The following B3GAT2 variants were observed in gnomAD, a reference collection of about 807,000 sequenced individuals.
B3GAT2 encodes galactosylgalactosylxylosylprotein 3-beta-glucuronosyltransferase 2.
In B3GAT2, 26 loss-of-function variants were observed where a neutral mutation model predicts 27.8. The ratio of observed to expected loss-of-function variants is 0.93; its 90% confidence interval spans 0.68 to 1.30. The LOEUF (loss-of-function observed/expected upper bound fraction) is 1.30, where lower values mean the gene tolerates loss of function less well. Among genes scored for constraint, B3GAT2 ranks in the 50% most tolerant of loss-of-function variants. The probability of loss-of-function intolerance (pLI) is 0.00; values close to 1 mark genes in which losing one functional copy is unlikely to be tolerated. For synonymous variants in B3GAT2, 218 were observed against 195.1 expected (o/e 1.12, Z -0.98); for missense variants, 458 against 459.0 (o/e 1.00, Z 0.02).
At chr6:70,907,252 T>G (rs1173974920) in intron 1 of B3GAT2, among the ~76,000 whole-genome samples, 2 of 152,160 alleles carry the variant, frequency 1.3e-5, no homozygotes, top group Non-Finnish European at 2.9e-5. Flanking sequence ...AGAGGAAGTG[T>G]GCTGGGCTGC....
intron 2 of B3GAT2, among the ~76,000 whole-genome samples, chr6:70,880,206 T>C (rs1020079983): frequency 6.6e-6 from 1 of 152,004 alleles, no homozygotes; most frequent in Non-Finnish European, 1.5e-5. Flanking sequence ...TTCTAAGAAC[T>C]AAGAGTAGTG....
intron 1 of B3GAT2, among the ~76,000 whole-genome samples, chr6:70,948,354 C>T (rs948440743): frequency 4.5e-4 from 67 of 147,854 alleles, no homozygotes; most frequent in African/African-American, 1.6e-3. Context: ...CCAAAAATCT[C>T]CTTAAGCTGA....
Position 70,860,413 on chromosome 6 carries a change from T to C in B3GAT2, c.*1250A>G. The C allele has an allele frequency of 6.7e-7, 1 of 1,502,202 alleles. No homozygotes were observed. The highest frequency in any genetic ancestry group is 1.4e-5 in the South Asian group (1 of 73,738). 93.1% of individuals were successfully genotyped at this position (1,502,202 alleles called of 1,614,324 possible). A position where few individuals can be genotyped will look rare whatever the true frequency, so the allele number is the denominator to read the frequency against. On this transcript the variant is annotated 3_prime_UTR_variant, in exon 4 of 4. Coordinates refer to ENST00000230053, the MANE Select transcript of B3GAT2 (RefSeq NM_080742.3). ...CGCATCTAGTTCCCCTGTTTATTCA[T>C]ATGCATATTTTTTTTCTTTTTACCC...
chr6:70,944,576 A>G (rs1039818304), intron 1 of B3GAT2, among the ~76,000 whole-genome samples: 2 of 152,182 alleles, frequency 1.3e-5, no homozygotes, highest in African/African-American at 2.4e-5. Context: ...GGAAGCTCCA[A>G]CTGGGTGGAG....
intron 2 of B3GAT2, among the ~76,000 whole-genome samples, chr6:70,875,297 CTT>C (rs1771998376): frequency 6.6e-6 from 1 of 152,120 alleles, no homozygotes; most frequent in African/African-American, 2.4e-5. Flanking sequence ...TGGCCCTGTA[CTT>C]TCCAGCCCTG....
intron 2 of B3GAT2, among the ~76,000 whole-genome samples, chr6:70,880,919 T>C (rs531652040): frequency 1.1e-4 from 17 of 152,280 alleles, no homozygotes; most frequent in Admixed American, 3.3e-4. Flanking sequence ...TTCTCCTGCC[T>C]TCGCCTTCCA....
Position 70,857,108 on chromosome 6 carries a change from A to G in B3GAT2, c.*4555T>C, listed in dbSNP as rs1582319763. 7.3e-7 allele frequency: 1 copy of G among 1,369,028 alleles called. No individual in the cohort carries two copies. Among genetic ancestry groups the G allele is most frequent in the Admixed American group, 2.3e-5 (1 of 42,788 alleles). 84.8% of individuals were successfully genotyped at this position (1,369,028 alleles called of 1,614,324 possible). A position where few individuals can be genotyped will look rare whatever the true frequency, so the allele number is the denominator to read the frequency against. On this transcript the variant is annotated 3_prime_UTR_variant, in exon 4 of 4. Transcript: ENST00000230053. ...GTAATTATATAATAAGATCAATTAT[A>G]TATCTTTTATTGTTCCATGTAGTGA...
chr6:70,917,676 G>C (rs1174667989), intron 1 of B3GAT2, among the ~76,000 whole-genome samples: 1 of 152,198 alleles, frequency 6.6e-6, no homozygotes, highest in Non-Finnish European at 1.5e-5. Context: ...TTCAGGAGCA[G>C]GTTGTTCAGT....
Position 70,857,142 on chromosome 6 carries a change from G to T in B3GAT2, c.*4521C>A. On this transcript the variant is annotated 3_prime_UTR_variant, in exon 4 of 4. Transcript: ENST00000230053. ...ATTGTTCCATGTAGTGAGTGCTTTT[G>T]TTGTTGCAGTTTATACAACTATGAA... The T allele has an allele frequency of 9.2e-7, 1 of 1,086,940 alleles. No homozygotes were observed. Among genetic ancestry groups the T allele is most frequent in the South Asian group, 2.7e-5 (1 of 36,472 alleles). The allele number at this position is 1,086,940 out of a possible 1,614,324, so 67.3% of individuals were successfully genotyped here.
chr6:70,924,223 A>G (rs1772917617), intron 1 of B3GAT2, among the ~76,000 whole-genome samples: 1 of 152,226 alleles, frequency 6.6e-6, no homozygotes, highest in African/African-American at 2.4e-5. Flanking sequence ...AAAACCATAT[A>G]CACTAAAAAC....
intron 2 of B3GAT2, among the ~76,000 whole-genome samples, chr6:70,875,626 G>C (rs576295223): frequency 2.6e-5 from 4 of 152,202 alleles, no homozygotes; most frequent in Non-Finnish European, 5.9e-5. Context: ...TTATAATTTA[G>C]AATTATTTTC....
chr6:70,934,155 A>G (rs538728118), intron 1 of B3GAT2, among the ~76,000 whole-genome samples: 2 of 152,274 alleles, frequency 1.3e-5, no homozygotes, highest in African/African-American at 2.4e-5. Context: ...TACTCTTTCA[A>G]CCAAAAGAGC....
chr6:70,910,765 T>C (rs939399465), intron 1 of B3GAT2, among the ~76,000 whole-genome samples: 1 of 152,232 alleles, frequency 6.6e-6, no homozygotes, highest in African/African-American at 2.4e-5. Flanking sequence ...TTTTCCACAA[T>C]GGCTGAACTA....
intron 1 of B3GAT2, among the ~76,000 whole-genome samples, chr6:70,900,328 C>T (rs973444387): frequency 6.6e-6 from 1 of 152,148 alleles, no homozygotes; most frequent in Non-Finnish European, 1.5e-5. Flanking sequence ...TTGTTCATCA[C>T]GTTGTCATCT....
chr6:70,952,701 C>T (rs532772558), intron 1 of B3GAT2, among the ~76,000 whole-genome samples: 7 of 152,296 alleles, frequency 4.6e-5, no homozygotes, highest in African/African-American at 1.7e-4. Flanking sequence ...AAAAACCCCA[C>T]CACCTCCTTC....
chr6:70,954,512 T>G (rs879852175), intron 1 of B3GAT2, among the ~76,000 whole-genome samples: 4 of 151,810 alleles, frequency 2.6e-5, no homozygotes, highest in African/African-American at 9.7e-5. Flanking sequence ...ACTGGAAGAG[T>G]ACAGAATAGC....
intron 1 of B3GAT2, among the ~76,000 whole-genome samples, chr6:70,948,943 A>G (rs1411978340): frequency 1.3e-5 from 2 of 152,030 alleles, no homozygotes; most frequent in Non-Finnish European, 2.9e-5. Flanking sequence ...AAACCTGAGA[A>G]AAACAAGCAA....
intron 1 of B3GAT2, among the ~76,000 whole-genome samples, chr6:70,925,242 A>T (rs1194458707): frequency 6.6e-6 from 1 of 152,270 alleles, no homozygotes; most frequent in Non-Finnish European, 1.5e-5. Context: ...GTGACGCAGA[A>T]GACAGGAGAT....
intron 1 of B3GAT2, among the ~76,000 whole-genome samples, chr6:70,907,723 A>G (rs1301009411): frequency 2.0e-5 from 3 of 152,184 alleles, no homozygotes; most frequent in Admixed American, 1.3e-4. Context: ...TGCAGGGGTG[A>G]CTTTACAAGT....
Sources: allele counts gnomAD v4.1 joint callset (sites outside exome capture counted in the v4.1 genomes callset), GRCh38; gene constraint gnomAD v4.1.1; transcripts MANE v1.5; gene names NCBI Gene and HGNC (gene_info 2026-07-23, HGNC 2026-07-21).